Variants in ATG4C observed in about 807,000 individuals in gnomAD.
ATG4C encodes autophagy related 4C cysteine peptidase.
Under a neutral mutation model 57.6 loss-of-function variants are expected in ATG4C, and 56 were observed. The observed-to-expected ratio is 0.97, with a 90% confidence interval of 0.78 to 1.21. The LOEUF is 1.21. ATG4C is among the 50% of genes most tolerant of loss of function. ATG4C has a pLI of 0.00. For synonymous variants in ATG4C, 157 were observed against 174.1 expected (o/e 0.90, Z 0.78); for missense variants, 595 against 529.8 (o/e 1.12, Z -1.21).
At chr1:62,846,962 A>G (rs937725604) in intron 10 of ATG4C, among the ~76,000 whole-genome samples, 1 of 152,148 alleles carries the variant, frequency 6.6e-6, no homozygotes, top group Non-Finnish European at 1.5e-5. Context: ...AGATCACCTG[A>G]GGTCAGGAGT....
intron 1 of ATG4C, among the ~76,000 whole-genome samples, chr1:62,800,728 A>G (rs1664630422): frequency 6.6e-6 from 1 of 152,228 alleles, no homozygotes; most frequent in Admixed American, 6.5e-5. Flanking sequence ...CCTATATTTC[A>G]TATCAGTTCA....
At position 62,865,171 on chromosome 1, in the gene ATG4C, T is replaced by C. The variant is rs1176506102; in HGVS notation, c.*1012T>C. The C allele has an allele frequency of 6.6e-6, 1 of 151,904 alleles. No homozygotes were observed. The highest frequency in any genetic ancestry group is 1.9e-4 in the East Asian group (1 of 5,200). 9.4% of individuals were successfully genotyped at this position (151,904 alleles called of 1,614,324 possible). A position where few individuals can be genotyped will look rare whatever the true frequency, so the allele number is the denominator to read the frequency against. On this transcript the variant is annotated 3_prime_UTR_variant, in exon 11 of 11. Transcript: ENST00000317868. ...AGAAGATAAAATGCTTTTGTTTTGG[T>C]TTTAATGTTGGGATTATTTTAATCC...
chr1:62,807,322 A>C (rs577625550), intron 3 of ATG4C, among the ~76,000 whole-genome samples: 1 of 152,174 alleles, frequency 6.6e-6, no homozygotes, highest in Non-Finnish European at 1.5e-5. Context: ...CAATTTGCTG[A>C]GTGATGGAGG....
chr1:62,792,449 A>G (rs1192887470), intron 1 of ATG4C, among the ~76,000 whole-genome samples: 2 of 152,226 alleles, frequency 1.3e-5, no homozygotes, highest in African/African-American at 4.8e-5. Flanking sequence ...GTCTTTAAAT[A>G]TCAGATGGGC....
intron 7 of ATG4C, among the ~76,000 whole-genome samples, chr1:62,832,375 C>T (rs960336798): frequency 2.0e-5 from 3 of 152,108 alleles, no homozygotes; most frequent in Non-Finnish European, 4.4e-5. Flanking sequence ...TATTCTCTCA[C>T]AGTTCTGGAG....
chr1:62,821,196 A>G lies in ATG4C; in HGVS notation c.783A>G (p.Ala261=). The G allele has an allele frequency of 1.3e-6, 2 of 1,593,472 alleles. No individual in the cohort carries two copies. Among genetic ancestry groups the G allele is most frequent in the Non-Finnish European group, 1.7e-6 (2 of 1,171,542 alleles). Residue 261 remains alanine, a synonymous_variant, in exon 6 of 11, where the codon GCA becomes GCG. Transcript: ENST00000317868. The stretch of plus-strand genomic sequence containing the variant: ...TACAAGGAATAACTATTTATGTTGC[A>G]CAAGATTGTACAGGTAAGGAATGTA... ...PDLQGITIYV[A]QDCTVYNSDV... is the part of the protein sequence containing the mutation.
chr1:62,790,077 G>A (rs1182925801), intron 1 of ATG4C, among the ~76,000 whole-genome samples: 1 of 152,026 alleles, frequency 6.6e-6, no homozygotes, highest in Non-Finnish European at 1.5e-5. Context: ...ACCACACCCA[G>A]CTAGTTTTGT....
At chr1:62,836,667 A>T (rs1666008659) in intron 9 of ATG4C, among the ~76,000 whole-genome samples, 1 of 152,084 alleles carries the variant, frequency 6.6e-6, no homozygotes, top group South Asian at 2.1e-4. Flanking sequence ...TAGTGAAATT[A>T]TGTAGTTGAT....
In ATG4C at chr1:62,865,019, A is replaced by G. The variant is rs1336803099; in HGVS notation, c.*860A>G. 2.6e-5 allele frequency: 4 copies of G among 151,892 alleles called. No homozygotes were observed. Among genetic ancestry groups the G allele is most frequent in the Non-Finnish European group, 5.9e-5 (4 of 67,816 alleles). 9.4% of individuals were successfully genotyped at this position (151,892 alleles called of 1,614,324 possible). A position where few individuals can be genotyped will look rare whatever the true frequency, so the allele number is the denominator to read the frequency against. On this transcript the variant is annotated 3_prime_UTR_variant, in exon 11 of 11. Coordinates refer to ENST00000317868, the MANE Select transcript of ATG4C (RefSeq NM_032852.4). ...TATAAAGCAGTGTAGTGGTGTTTAG[A>G]AGCTGAGGCCACCTGTAAGGCAAAT...
At chr1:62,797,747 T>C (rs1195240797) in intron 1 of ATG4C, among the ~76,000 whole-genome samples, 2 of 152,318 alleles carry the variant, frequency 1.3e-5, no homozygotes, top group East Asian at 1.9e-4. Flanking sequence ...CTTCTTTCTC[T>C]ACAAAGTTTT....
intron 1 of ATG4C, among the ~76,000 whole-genome samples, chr1:62,800,701 G>A (rs1664629599): frequency 6.6e-6 from 1 of 152,108 alleles, no homozygotes; most frequent in African/African-American, 2.4e-5. Flanking sequence ...TCTGGTGAGA[G>A]TGCTGCTAGT....
At chr1:62,796,122 ACTTTT>A (rs935083138) in intron 1 of ATG4C, among the ~76,000 whole-genome samples, 12 of 149,974 alleles carry the variant, frequency 8.0e-5, no homozygotes, top group East Asian at 3.9e-4. Context: ...CTAAATTATT[ACTTTT>A]CTTTATGCTT....
chr1:62,839,143 C>A (rs933462090), intron 9 of ATG4C, among the ~76,000 whole-genome samples: 14 of 152,334 alleles, frequency 9.2e-5, no homozygotes, highest in African/African-American at 3.1e-4. Context: ...ACTGGCACCT[C>A]AAACTCCTGG....
chr1:62,792,843 G>T (rs1664325233), intron 1 of ATG4C, among the ~76,000 whole-genome samples: 1 of 151,816 alleles, frequency 6.6e-6, no homozygotes, highest in Non-Finnish European at 1.5e-5. Context: ...CTGGTTATTA[G>T]TGAGTCTGAA....
In ATG4C at chr1:62,849,193, A is replaced by G. The variant is rs934828188; in HGVS notation, c.1209+7646A>G. 3.3e-5 allele frequency among the ~76,000 whole-genome samples: 5 copies of G among 152,226 alleles called. 1 individual carries two copies. Among genetic ancestry groups the G allele is most frequent in the Admixed American group, 3.3e-4 (5 of 15,278 alleles). On this transcript the variant is annotated intron_variant, in intron 10 of 10. Transcript: ENST00000317868. ...GTTCCAGTCTGTCTTCAACATACCC[A>G]GTTGACCAGAATGACTTCTTCCACC... is the stretch of plus-strand genomic sequence containing the variant.
chr1:62,819,878 CACTTT>C (rs566716534), intron 5 of ATG4C, among the ~76,000 whole-genome samples: 13 of 152,066 alleles, frequency 8.5e-5, no homozygotes, highest in Admixed American at 4.6e-4. Flanking sequence ...AGTCAAATTT[CACTTT>C]ACTTCAGCTT....
chr1:62,805,291 T>G (rs1664822453), intron 3 of ATG4C, 36 bp downstream of exon 3: 1 of 1,479,878 alleles, frequency 6.8e-7, no homozygotes, highest in African/African-American at 1.5e-5. Flanking sequence ...TAAAAATTTT[T>G]GTAGAAATCA....
At chr1:62,786,380 A>G (rs1482309966) in intron 1 of ATG4C, among the ~76,000 whole-genome samples, 1 of 152,192 alleles carries the variant, frequency 6.6e-6, no homozygotes, top group Non-Finnish European at 1.5e-5. Flanking sequence ...AGCAGAAAAT[A>G]TAGTCAATAT....
At chr1:62,828,088 T>C (rs1665724782) in intron 6 of ATG4C, among the ~76,000 whole-genome samples, 1 of 152,222 alleles carries the variant, frequency 6.6e-6, no homozygotes, top group Non-Finnish European at 1.5e-5. Context: ...TCTTTGCTAT[T>C]GTGAATAGTG....
Sources: gnomAD v4.1 joint callset for allele counts (sites outside exome capture counted in the v4.1 genomes callset) on GRCh38, gnomAD v4.1.1 for gene constraint, MANE v1.5 for transcripts, NCBI Gene and HGNC (gene_info 2026-07-23, HGNC 2026-07-21) for gene names.